The following ADAMTSL1 variants were observed in gnomAD, a reference collection of about 807,000 sequenced individuals.
ADAMTSL1 encodes the protein ADAMTS like 1.
A neutral mutation model predicts 201.8 loss-of-function variants in ADAMTSL1; 126 were observed. The ratio of observed to expected loss-of-function variants is 0.62; its 90% CI spans 0.54 to 0.72. The LOEUF is 0.72. ADAMTSL1 is among the 30% of genes least tolerant of loss of function. ADAMTSL1 has a pLI of 0.00. For synonymous variants in ADAMTSL1, 1,121 were observed against 903.4 expected, an observed-to-expected ratio of 1.24 and a Z score of -4.32; for missense variants, 2,679 against 2,277.8, an observed-to-expected ratio of 1.18 and a Z score of -3.59.
intron 23 of ADAMTSL1, among the ~76,000 whole-genome samples, chr9:18,838,621 A>C (rs570659607): frequency 6.6e-6 from 1 of 152,102 alleles, no homozygotes; most frequent in Non-Finnish European, 1.5e-5. Context: ...GAGGTCAAGC[A>C]TTTAAGACCA....
intron 16 of ADAMTSL1, among the ~76,000 whole-genome samples, chr9:18,754,006 A>G (rs1474041469): frequency 2.0e-5 from 3 of 152,212 alleles, no homozygotes; most frequent in African/African-American, 7.2e-5. Context: ...TGTGAATTCC[A>G]AAAGTCTGGG....
At chr9:18,743,240 G>A (rs1480856563) in intron 15 of ADAMTSL1, among the ~76,000 whole-genome samples, 1 of 152,150 alleles carries the variant, frequency 6.6e-6, no homozygotes, top group African/African-American at 2.4e-5. Flanking sequence ...AGAAAAGTGT[G>A]TTAGAGTGAG....
chr9:17,996,792 C>A (rs1819399604), intron 1 of ADAMTSL1, among the ~76,000 whole-genome samples: 1 of 152,044 alleles, frequency 6.6e-6, no homozygotes, highest in African/African-American at 2.4e-5. Context: ...CCCCCTTTTG[C>A]ATTTTTTATG....
At chr9:18,852,491 G>C (rs993420505) in intron 23 of ADAMTSL1, among the ~76,000 whole-genome samples, 1 of 152,134 alleles carries the variant, frequency 6.6e-6, no homozygotes, top group African/African-American at 2.4e-5. Context: ...GAATAAAGAA[G>C]AAGAATTCAG....
At chr9:18,494,415 G>T (rs1822423927) in intron 1 of ADAMTSL1, among the ~76,000 whole-genome samples, 1 of 151,290 alleles carries the variant, frequency 6.6e-6, no homozygotes, top group African/African-American at 2.4e-5. Context: ...AATTTTACTA[G>T]AAGATGGCAG....
At chr9:18,787,398 G>A (rs946233208) in intron 19 of ADAMTSL1, among the ~76,000 whole-genome samples, 2 of 152,118 alleles carry the variant, frequency 1.3e-5, no homozygotes, top group Admixed American at 6.5e-5. Flanking sequence ...CAGTACTAGT[G>A]AGGCTTAGAG....
intron 23 of ADAMTSL1, among the ~76,000 whole-genome samples, chr9:18,873,927 A>T (rs186411328): frequency 6.6e-6 from 1 of 152,258 alleles, no homozygotes; most frequent in African/African-American, 2.4e-5. Flanking sequence ...CCCATCCTTG[A>T]GCATGGAATG....
At chr9:18,166,655 T>G (rs1827645943) in intron 2 of ADAMTSL1, among the ~76,000 whole-genome samples, 1 of 151,902 alleles carries the variant, frequency 6.6e-6, no homozygotes, top group Non-Finnish European at 1.5e-5. Flanking sequence ...GAAGTAGCAT[T>G]AACTCTAGGA....
intron 10 of ADAMTSL1, 132 bp downstream of exon 10, chr9:18,676,039 C>T: frequency 1.1e-6 from 1 of 891,354 alleles, no homozygotes; most frequent in Non-Finnish European, 1.8e-6. Flanking sequence ...GTATATTTTG[C>T]AATCCATCCT....
chr9:18,555,152 C>G (rs10963630), intron 3 of ADAMTSL1, among the ~76,000 whole-genome samples: 96,218 of 151,500 alleles, frequency 0.64, 30,806 homozygotes, highest in East Asian at 0.77. Context: ...TTTTGCCTTA[C>G]AGTCCTGGCA....
chr9:18,774,494 C>T (rs1403118802), intron 17 of ADAMTSL1, among the ~76,000 whole-genome samples: 1 of 152,076 alleles, frequency 6.6e-6, no homozygotes, highest in Non-Finnish European at 1.5e-5. Context: ...AGACTCCAAT[C>T]ATCTTCAAGA....
At chr9:18,170,249 T>G (rs1827829547) in intron 2 of ADAMTSL1, among the ~76,000 whole-genome samples, 1 of 152,022 alleles carries the variant, frequency 6.6e-6, no homozygotes, top group Admixed American at 6.6e-5. Flanking sequence ...TATTCTAAAC[T>G]AATACTCTAA....
At chr9:18,634,166 A>G (rs148315606) in intron 5 of ADAMTSL1, among the ~76,000 whole-genome samples, 155 of 152,304 alleles carry the variant, frequency 1.0e-3, no homozygotes, top group South Asian at 2.7e-3. Flanking sequence ...TAAAGATAGG[A>G]TGATAATATT....
At chr9:18,721,949 G>A (rs959988691) in intron 15 of ADAMTSL1, among the ~76,000 whole-genome samples, 1 of 152,162 alleles carries the variant, frequency 6.6e-6, no homozygotes, top group Non-Finnish European at 1.5e-5. Flanking sequence ...TCCCCTAAAG[G>A]GAACATGAGG....
At chr9:18,723,037 T>A (rs1217865214) in intron 15 of ADAMTSL1, 1 of 779,992 alleles carries the variant, frequency 1.3e-6, no homozygotes, top group Admixed American at 1.7e-5. Context: ...CGACTCAGCA[T>A]GGAACGCCTG....
chr9:18,012,321 A>C (rs1271615460), intron 1 of ADAMTSL1, among the ~76,000 whole-genome samples: 2 of 152,162 alleles, frequency 1.3e-5, no homozygotes, highest in South Asian at 2.1e-4. Context: ...TGGTGTGTGC[A>C]TTCCAAGCAG....
chr9:18,661,855 G>A, intron 8 of ADAMTSL1, 80 bp from the exon 9 acceptor site: 1 of 1,422,400 alleles, frequency 7.0e-7, no homozygotes, highest in Non-Finnish European at 9.4e-7. Context: ...TTCCATTGAT[G>A]TGAGCTGGCC....
At chr9:18,709,750 A>G (rs1564169580) in intron 14 of ADAMTSL1, among the ~76,000 whole-genome samples, 2 of 152,200 alleles carry the variant, frequency 1.3e-5, no homozygotes, top group Non-Finnish European at 2.9e-5. Context: ...GGTGTTATCA[A>G]GGAAAACAAC....
At chr9:18,424,969 C>G (rs2133376863) in intron 2 of ADAMTSL1, among the ~76,000 whole-genome samples, 1 of 152,296 alleles carries the variant, frequency 6.6e-6, no homozygotes, top group African/African-American at 2.4e-5. Context: ...GAATTACCAC[C>G]TATGATCTGA....
Sources: gnomAD v4.1 joint callset for allele counts (sites outside exome capture counted in the v4.1 genomes callset) on GRCh38, gnomAD v4.1.1 for gene constraint, MANE v1.5 for transcripts, NCBI Gene and HGNC (gene_info 2026-07-23, HGNC 2026-07-21) for gene names.